MMS22L: variants seen among roughly 807,000 people sequenced by gnomAD.
MMS22L encodes protein MMS22-like.
In MMS22L, 74 loss-of-function variants were observed where a neutral mutation model predicts 159.1. That is an observed-to-expected ratio of 0.47 (90% CI 0.39 to 0.56). MMS22L has a LOEUF of 0.56. Among genes scored for constraint, MMS22L ranks in the 20% least tolerant of loss-of-function variants. The probability of loss-of-function intolerance (pLI) is 0.00; values close to 1 mark genes in which losing one functional copy is unlikely to be tolerated. For synonymous variants in MMS22L, 517 were observed against 506.9 expected (o/e 1.02, Z -0.27); for missense variants, 1,351 against 1,422.1 (o/e 0.95, Z 0.80).
At chr6:97,179,227 AAAAAC>A (rs1273480130) in intron 17 of MMS22L, among the ~76,000 whole-genome samples, 176 bp downstream of exon 17, 2 of 152,282 alleles carry the variant, frequency 1.3e-5, no homozygotes, top group South Asian at 2.1e-4. Context: ...ACAGGAAAAT[AAAAAC>A]AAAACAAAAC....
intron 14 of MMS22L, among the ~76,000 whole-genome samples, chr6:97,216,252 A>C (rs1809004380): frequency 6.6e-6 from 1 of 152,162 alleles, no homozygotes; most frequent in African/African-American, 2.4e-5. Flanking sequence ...GTATTTTAAA[A>C]CTATAATGAA....
At chr6:97,267,707 T>G in intron 8 of MMS22L, 165 bp downstream of exon 8, 1 of 502,342 alleles carries the variant, frequency 2.0e-6, no homozygotes, top group Non-Finnish European at 3.1e-6. Flanking sequence ...CTTTTAGATG[T>G]TTAAATAAAA....
intron 10 of MMS22L, among the ~76,000 whole-genome samples, chr6:97,248,858 C>CAA (rs113429121): frequency 7.8e-6 from 1 of 127,486 alleles, no homozygotes; most frequent in Non-Finnish European, 1.7e-5. Flanking sequence ...GACTTTGTCT[C>CAA]AAAAAAAAAA....
chr6:97,263,357 C>T lies in MMS22L; in HGVS notation c.920G>A (p.Arg307Lys), dbSNP rs1197959067. 1 of 1,587,660 alleles carries T rather than the reference C, an allele frequency of 6.3e-7. No homozygotes were observed. Among genetic ancestry groups the T allele is most frequent in the South Asian group, 1.2e-5 (1 of 86,066 alleles). Residue 307 changes from arginine to lysine, a missense_variant, in exon 9 of 25, where the codon AGA (arginine) becomes AAA (lysine). Coordinates refer to ENST00000683635, the MANE Select transcript of MMS22L (RefSeq NM_001350599.2). ...TACTTCCGAGACAAACCATTTACTT[C>T]TGTGGTCTAGAAGATGAATAAGTAG... is the stretch of plus-strand genomic sequence containing the variant. ...WVLLIHLLDH[R>K]SKWFVSESFW...
Position 97,282,431 on chromosome 6 carries a change from T to A in MMS22L, c.47A>T (p.Glu16Val). The change falls in exon 2 of 25, where the codon GAG (glutamate) becomes GTG (valine). Residue 16 changes from glutamate to valine, a missense_variant. Glu to Val is a moderately radical substitution (Grantham distance 121). Coordinates refer to ENST00000683635, the MANE Select transcript of MMS22L (RefSeq NM_001350599.2). ...GCACCATTCCGTCCCCAGCTCCAGC[T>A]CTAAGCTGTCAGTCAGGAACGTCGA... ...AASTFLTDSL[E>V]LELGTEWCKP... is the part of the protein sequence containing the mutation. 1 of 1,614,076 alleles carries A rather than the reference T, an allele frequency of 6.2e-7. No individual in the cohort carries two copies.
chr6:97,266,182 G>A (rs907618822), intron 8 of MMS22L: 2 of 152,144 alleles, frequency 1.3e-5, no homozygotes, highest in Non-Finnish European at 2.9e-5. Flanking sequence ...GCGCCAGAGA[G>A]GAAGTGGTGA....
At chr6:97,155,364 G>A (rs1041608399) in intron 22 of MMS22L, among the ~76,000 whole-genome samples, 27 of 152,090 alleles carry the variant, frequency 1.8e-4, no homozygotes, top group Admixed American at 1.7e-3. Context: ...TGCACAACGT[G>A]CAGGTTTGTT....
At position 97,281,140 on chromosome 6, in the gene MMS22L, TG is replaced by T; in HGVS notation, c.290+96del. On this transcript the variant is annotated intron_variant, in intron 3 of 24. Transcript: ENST00000683635. ...AAGTGAGCAACCAGCACAATTCCTC[TG>T]GTCTTTTGTAATATCAGTATTAGAA... The T allele has an allele frequency of 7.6e-6, 9 of 1,188,136 alleles. No individual in the cohort carries two copies. The South Asian group carries it at 1.5e-4, about 20-fold the overall frequency. 73.6% of individuals were successfully genotyped at this position (1,188,136 alleles called of 1,614,324 possible).
At chr6:97,168,315 T>C (rs1248260620) in intron 19 of MMS22L, 75 bp from the exon 20 acceptor site, 6 of 1,431,616 alleles carry the variant, frequency 4.2e-6, no homozygotes, top group South Asian at 3.9e-5. Context: ...ATTTAAAAAT[T>C]TGTATTGAAA....
At chr6:97,274,700 CA>C (rs1213417428) in intron 4 of MMS22L, among the ~76,000 whole-genome samples, 1 of 151,934 alleles carries the variant, frequency 6.6e-6, no homozygotes, top group Non-Finnish European at 1.5e-5. Context: ...ATTTGCAGGG[CA>C]AAAGTACCCA....
intron 24 of MMS22L, among the ~76,000 whole-genome samples, chr6:97,149,342 C>T (rs1801097950): frequency 6.6e-6 from 1 of 152,044 alleles, no homozygotes; most frequent in South Asian, 2.1e-4. Flanking sequence ...TAGTCCAGCA[C>T]TATTTTCAGT....
intron 14 of MMS22L, among the ~76,000 whole-genome samples, chr6:97,202,621 A>C (rs1018383492): frequency 6.6e-6 from 1 of 152,160 alleles, no homozygotes; most frequent in Non-Finnish European, 1.5e-5. Flanking sequence ...TGATGAAAAA[A>C]TGGACTCAGA....
intron 4 of MMS22L, among the ~76,000 whole-genome samples, chr6:97,277,457 C>T (rs1350975834): frequency 6.6e-6 from 1 of 151,870 alleles, no homozygotes; most frequent in Non-Finnish European, 1.5e-5. Context: ...CAGGGCCACT[C>T]CATTACAGTG....
At chr6:97,262,174 A>C (rs187233415) in intron 9 of MMS22L, among the ~76,000 whole-genome samples, 7 of 152,280 alleles carry the variant, frequency 4.6e-5, no homozygotes, top group Admixed American at 2.6e-4. Flanking sequence ...TGTACCCCTT[A>C]ATGCCTGAAA....
chr6:97,159,964 T>TTC, intron 22 of MMS22L, among the ~76,000 whole-genome samples: 1 of 149,382 alleles, frequency 6.7e-6, no homozygotes, highest in East Asian at 2.0e-4. Flanking sequence ...TTTTTTTTTT[T>TTC]TTTTCATTTA....
At chr6:97,155,510 G>A (rs1177925586) in intron 22 of MMS22L, among the ~76,000 whole-genome samples, 2 of 151,928 alleles carry the variant, frequency 1.3e-5, no homozygotes, top group African/African-American at 4.8e-5. Context: ...TCCCCTCCCT[G>A]TGTCCATGTG....
intron 14 of MMS22L, among the ~76,000 whole-genome samples, chr6:97,211,009 A>C (rs542161870): frequency 6.6e-6 from 1 of 152,024 alleles, no homozygotes; most frequent in African/African-American, 2.4e-5. Context: ...GCATGATAGT[A>C]TAAATGCTTT....
At chr6:97,155,113 T>C (rs1801694093) in intron 22 of MMS22L, among the ~76,000 whole-genome samples, 1 of 152,108 alleles carries the variant, frequency 6.6e-6, no homozygotes, top group Non-Finnish European at 1.5e-5. Flanking sequence ...TAGATCTTGT[T>C]TTTTTAAGAA....
chr6:97,244,533 T>C (rs1812426135), intron 11 of MMS22L, among the ~76,000 whole-genome samples: 1 of 152,158 alleles, frequency 6.6e-6, no homozygotes, highest in South Asian at 2.1e-4. Flanking sequence ...TCTAATCAGC[T>C]GTCAGCTCAG....
Sources: allele counts gnomAD v4.1 joint callset (sites outside exome capture counted in the v4.1 genomes callset), GRCh38; gene constraint gnomAD v4.1.1; transcripts MANE v1.5; gene names NCBI Gene and HGNC (gene_info 2026-07-23, HGNC 2026-07-21).